GALK2: variants seen among roughly 807,000 people sequenced by gnomAD.
The protein encoded by GALK2 is N-acetylgalactosamine kinase.
Under a neutral mutation model 52.4 loss-of-function variants are expected in GALK2, and 36 were observed. The ratio of observed to expected loss-of-function variants is 0.69; its 90% confidence interval spans 0.53 to 0.91. The LOEUF (loss-of-function observed/expected upper bound fraction) is 0.91. GALK2 is among the 40% of genes least tolerant of loss of function. The pLI is 0.00. For missense variants in GALK2, 579 were observed against 559.1 expected (o/e 1.04, Z -0.36); for synonymous variants, 176 against 199.1 (o/e 0.88, Z 0.98).
intron 3 of GALK2, among the ~76,000 whole-genome samples, chr15:49,218,809 A>G (rs940154409): frequency 6.6e-6 from 1 of 152,094 alleles, no homozygotes; most frequent in African/African-American, 2.4e-5. Context: ...AATACCTATG[A>G]TTGGAGTGTC....
intron 3 of GALK2, among the ~76,000 whole-genome samples, chr15:49,356,233 C>T (rs1003504651): frequency 6.6e-6 from 1 of 151,982 alleles, no homozygotes; most frequent in Non-Finnish European, 1.5e-5. Context: ...CAAATTCACA[C>T]ATAACAATTT....
chr15:49,250,842 G>C (rs73392288), intron 5 of GALK2, among the ~76,000 whole-genome samples: 25,796 of 151,872 alleles, frequency 0.17, 2,461 homozygotes, highest in Non-Finnish European at 0.21. Context: ...CTTTGTCAAA[G>C]TTATAATGAT....
chr15:49,318,889 G>A (rs2036641646), intron 8 of GALK2: 1 of 445,520 alleles, frequency 2.2e-6, no homozygotes, highest in Admixed American at 2.5e-5. Context: ...CTGTTAACAG[G>A]GATCATACTG....
At chr15:49,216,130 G>A (rs1001645728) in intron 2 of GALK2, among the ~76,000 whole-genome samples, 1 of 152,166 alleles carries the variant, frequency 6.6e-6, no homozygotes, top group Admixed American at 6.5e-5. Flanking sequence ...GGGCTGCCTA[G>A]AGCACTTCCA....
At chr15:49,257,715 G>A (rs2141600790) in intron 5 of GALK2, among the ~76,000 whole-genome samples, 1 of 152,106 alleles carries the variant, frequency 6.6e-6, no homozygotes, top group East Asian at 1.9e-4. Context: ...TAGTTCATGA[G>A]CTGGGTGTTC....
At position 49,170,344 on chromosome 15, in the gene GALK2, A is replaced by G; in HGVS notation, c.22A>G (p.Thr8Ala). 3 of 1,592,318 alleles carry G rather than the reference A, an allele frequency of 1.9e-6. No individual in the cohort carries two copies. Among genetic ancestry groups the G allele is most frequent in the South Asian group, 2.3e-5 (2 of 87,090 alleles). MATESPA[T>A]RRVQVAEHPR... is the part of the protein sequence containing the mutation. ...AAATATGGCTACAGAGAGCCCTGCT[A>G]CGCGTCGGGTCCAGGTGGCAGAACA... Residue 8 changes from threonine (T) to alanine (A), a missense_variant, in exon 1 of 10, where the codon ACG (threonine) becomes GCG (alanine). Physicochemically the swap from Thr to Ala is moderately conservative, Grantham distance 58. Transcript: ENST00000560031.
At position 49,319,584 on chromosome 15, in the gene GALK2, C is replaced by T; in HGVS notation, c.968-20C>T. 6.2e-7 allele frequency: 1 copy of T among 1,611,048 alleles called. No homozygotes were observed. The highest frequency in any genetic ancestry group is 8.5e-7 in the Non-Finnish European group (1 of 1,177,432). ...CAGTAACTATTCCTAACCTCCTTCC[C>T]CATCCTCTTCCTTCCTCAGTGCTCA... is the stretch of plus-strand genomic sequence containing the variant. On this transcript the variant is annotated intron_variant, in intron 8 of 9. Transcript: ENST00000560031.
rs1040249512 is a variant in GALK2, at chr15:49,366,000, GACT to G, written c.427-1488_427-1486del. On this transcript the variant is annotated intron_variant, in intron 3 of 3. Transcript: ENST00000558399. Reference sequence around the variant, plus strand: ...GTAAGACCATCATAACACAGTAGATGACTACAAATATTACAACTGTAAGAGGAC... The same window carrying G: ...GTAAGACCATCATAACACAGTAGATGACAAATATTACAACTGTAAGAGGAC... 8.1e-5 allele frequency: 65 copies of G among 806,926 alleles called. No individual in the cohort carries two copies. In the Middle Eastern group the frequency reaches 1.1e-3, roughly 13 times the overall value. 50.0% of individuals were successfully genotyped at this position (806,926 alleles called of 1,614,324 possible).
At chr15:49,265,368 T>C (rs2141657953) in intron 5 of GALK2, among the ~76,000 whole-genome samples, 1 of 152,364 alleles carries the variant, frequency 6.6e-6, no homozygotes, top group South Asian at 2.1e-4. Flanking sequence ...CATAGGACCC[T>C]CTGAGCCAGG....
chr15:49,178,252 ATATG>A (rs2085657606), intron 1 of GALK2: 4 of 123,888 alleles, frequency 3.2e-5, no homozygotes, highest in Non-Finnish European at 1.7e-5. Flanking sequence ...AAATATGTCT[ATATG>A]TATAAATAAA....
At chr15:49,323,765 G>T (rs932677131) in intron 9 of GALK2, among the ~76,000 whole-genome samples, 7 of 152,072 alleles carry the variant, frequency 4.6e-5, no homozygotes, top group African/African-American at 1.7e-4. Flanking sequence ...GTCTTTTTCA[G>T]TTGAACCTTT....
intron 5 of GALK2, among the ~76,000 whole-genome samples, chr15:49,256,630 A>G (rs746999620): frequency 1.3e-5 from 2 of 152,132 alleles, no homozygotes; most frequent in African/African-American, 2.4e-5. Flanking sequence ...ATCCGTGTCA[A>G]TTTGCAAGCT....
intron 9 of GALK2, 93 bp from the exon 10 acceptor site, chr15:49,327,859 A>G: frequency 8.2e-7 from 1 of 1,222,386 alleles, no homozygotes; most frequent in Non-Finnish European, 1.1e-6. Context: ...TTTTCTTCTT[A>G]GAACTTAGAT....
At chr15:49,225,543 C>T (rs2090083408) in intron 3 of GALK2, among the ~76,000 whole-genome samples, 1 of 152,178 alleles carries the variant, frequency 6.6e-6, no homozygotes. Context: ...AAACCATCCC[C>T]TCCTCCCCAA....
intron 3 of GALK2, among the ~76,000 whole-genome samples, chr15:49,340,897 G>C (rs2040619457): frequency 6.6e-6 from 1 of 152,148 alleles, no homozygotes; most frequent in East Asian, 1.9e-4. Context: ...ATAGTGTAAA[G>C]TCTTACATTT....
At chr15:49,318,503 AT>A (rs2036606354) in intron 8 of GALK2, among the ~76,000 whole-genome samples, 1 of 152,182 alleles carries the variant, frequency 6.6e-6, no homozygotes, top group Non-Finnish European at 1.5e-5. Context: ...TTTCCTATAT[AT>A]CAAATTGCCT....
chr15:49,274,812 G>A (rs1283071124), intron 5 of GALK2, among the ~76,000 whole-genome samples: 1 of 152,082 alleles, frequency 6.6e-6, no homozygotes, highest in South Asian at 2.1e-4. Flanking sequence ...CTAAAACAGA[G>A]TCAGGATCAT....
chr15:49,313,705 A>C (rs1489734993), intron 8 of GALK2, among the ~76,000 whole-genome samples: 3 of 152,254 alleles, frequency 2.0e-5, no homozygotes, highest in African/African-American at 7.2e-5. Context: ...TATTGGGTGC[A>C]TAGCAGGTGC....
intron 5 of GALK2, among the ~76,000 whole-genome samples, chr15:49,276,111 G>T (rs149906159): frequency 6.6e-6 from 1 of 152,214 alleles, no homozygotes. Flanking sequence ...CAGTCAAATT[G>T]TCTTCCCTAA....
Sources: allele counts gnomAD v4.1 joint callset (sites outside exome capture counted in the v4.1 genomes callset), GRCh38; gene constraint gnomAD v4.1.1; transcripts MANE v1.5; gene names NCBI Gene and HGNC (gene_info 2026-07-23, HGNC 2026-07-21).